Variants in GRXCR2 observed in about 807,000 individuals in gnomAD.
GRXCR2 encodes glutaredoxin domain-containing cysteine-rich protein 2.
In GRXCR2, 23 loss-of-function variants were observed where a neutral mutation model predicts 24.8. The ratio of observed to expected loss-of-function variants is 0.93; its 90% CI spans 0.67 to 1.32. The LOEUF is 1.32. Ranked by LOEUF, GRXCR2 falls within the 40% of genes most tolerant of loss-of-function variation. The pLI is 0.00. For synonymous variants in GRXCR2, 130 were observed against 116.1 expected (o/e 1.12, Z -0.77); for missense variants, 315 against 303.4 (o/e 1.04, Z -0.28).
chr5:145,915,591 C>G (rs574758731), intron 2 of GRXCR2, among the ~76,000 whole-genome samples: 1 of 152,084 alleles, frequency 6.6e-6, no homozygotes, highest in African/African-American at 2.4e-5. Flanking sequence ...TCGAGACCAG[C>G]CTGGCCAATA....
At chr5:145,906,703 G>A (rs1257137242) in intron 2 of GRXCR2, among the ~76,000 whole-genome samples, 2 of 152,162 alleles carry the variant, frequency 1.3e-5, no homozygotes, top group Non-Finnish European at 2.9e-5. Flanking sequence ...TAATAAATAT[G>A]TTTCAGTGTC....
intron 2 of GRXCR2, among the ~76,000 whole-genome samples, chr5:145,892,527 G>T (rs952455790): frequency 1.3e-5 from 2 of 152,138 alleles, no homozygotes; most frequent in Admixed American, 6.6e-5. Context: ...GGAAGAAAGG[G>T]TATCAGTGAT....
At chr5:145,916,131 T>A (rs373445481) in intron 2 of GRXCR2, among the ~76,000 whole-genome samples, 153 of 151,984 alleles carry the variant, frequency 1.0e-3, no homozygotes, top group African/African-American at 3.3e-3. Context: ...GGGGCGCTGC[T>A]CAGAGCCCCT....
intron 2 of GRXCR2, among the ~76,000 whole-genome samples, chr5:145,895,663 T>C (rs1756938630): frequency 6.6e-6 from 1 of 152,216 alleles, no homozygotes; most frequent in Non-Finnish European, 1.5e-5. Context: ...CATTCCCTGC[T>C]CATGGGTAGG....
At chr5:145,908,625 T>C (rs937691402) in intron 2 of GRXCR2, among the ~76,000 whole-genome samples, 1 of 152,180 alleles carries the variant, frequency 6.6e-6, no homozygotes, top group African/African-American at 2.4e-5. Context: ...ATTCAGTGTG[T>C]ATTTCTGAGG....
chr5:145,888,746 T>G (rs771663733), intron 2 of GRXCR2, among the ~76,000 whole-genome samples: 1 of 152,236 alleles, frequency 6.6e-6, no homozygotes, highest in Non-Finnish European at 1.5e-5. Flanking sequence ...TATATACATA[T>G]GTATGCAAGA....
intron 2 of GRXCR2, among the ~76,000 whole-genome samples, chr5:145,906,657 G>A (rs1757092773): frequency 6.6e-6 from 1 of 152,136 alleles, no homozygotes; most frequent in Admixed American, 6.6e-5. Flanking sequence ...ATAGAGTTGG[G>A]CACTGTGTTA....
At chr5:145,868,324 T>A (rs1297738154) in intron 1 of GRXCR2, among the ~76,000 whole-genome samples, 1 of 152,202 alleles carries the variant, frequency 6.6e-6, no homozygotes, top group Non-Finnish European at 1.5e-5. Flanking sequence ...ACGCTAAAGT[T>A]AAGCAGTCTT....
intron 2 of GRXCR2, among the ~76,000 whole-genome samples, chr5:145,897,032 G>A (rs1756960361): frequency 6.7e-6 from 1 of 149,416 alleles, no homozygotes; most frequent in Non-Finnish European, 1.5e-5. Context: ...ACTATCGCAA[G>A]GACAAAAAAC....
At chr5:145,913,886 G>A (rs1757198506) in intron 2 of GRXCR2, among the ~76,000 whole-genome samples, 1 of 152,182 alleles carries the variant, frequency 6.6e-6, no homozygotes, top group African/African-American at 2.4e-5. Context: ...AATTACAACT[G>A]CTTAATCAGC....
intron 1 of GRXCR2, 25 bp downstream of exon 1, chr5:145,872,608 C>T (rs1756549779): frequency 2.0e-5 from 31 of 1,549,406 alleles, no homozygotes; most frequent in Non-Finnish European, 2.7e-5. Context: ...ACCCTTAAAG[C>T]CTATATGCCA....
At chr5:145,870,632 C>A (rs1275846768) in intron 1 of GRXCR2, among the ~76,000 whole-genome samples, 1 of 152,116 alleles carries the variant, frequency 6.6e-6, no homozygotes, top group African/African-American at 2.4e-5. Context: ...CCAATATTTA[C>A]TAGGAAGTGT....
At chr5:145,917,866 G>A (rs1030158150) in intron 2 of GRXCR2, among the ~76,000 whole-genome samples, 1 of 152,132 alleles carries the variant, frequency 6.6e-6, no homozygotes, top group Non-Finnish European at 1.5e-5. Context: ...TGCAACCTCC[G>A]CCTCCTGGGT....
chr5:145,874,177 G>A (rs890645268), upstream of GRXCR2, among the ~76,000 whole-genome samples: 8 of 151,598 alleles, frequency 5.3e-5, no homozygotes, highest in African/African-American at 9.7e-5. Flanking sequence ...ACAGCCATTC[G>A]CTTGGATTCT....
At chr5:145,884,503 G>A (rs1160106504) in intron 2 of GRXCR2, among the ~76,000 whole-genome samples, 1 of 152,026 alleles carries the variant, frequency 6.6e-6, no homozygotes, top group African/African-American at 2.4e-5. Flanking sequence ...TCCTTTTGTA[G>A]GACATACATG....
intron 2 of GRXCR2, among the ~76,000 whole-genome samples, chr5:145,912,723 G>C (rs1757183275): frequency 6.6e-6 from 1 of 152,046 alleles, no homozygotes. Context: ...ATGAGGCGGA[G>C]TCCTGTGGAA....
At chr5:145,876,670 A>G (rs191626248), upstream of GRXCR2, among the ~76,000 whole-genome samples, 85 of 152,226 alleles carry the variant, frequency 5.6e-4, no homozygotes, top group Non-Finnish European at 9.1e-4. Flanking sequence ...TCCAAGTAAC[A>G]TTTCTTCAAC....
At chr5:145,914,571 G>A (rs1396987232) in intron 2 of GRXCR2, among the ~76,000 whole-genome samples, 1 of 149,542 alleles carries the variant, frequency 6.7e-6, no homozygotes, top group Non-Finnish European at 1.5e-5. Context: ...AGCTACTCAG[G>A]AGGCAGAGAC....
At chr5:145,885,853 A>T (rs1187398155) in intron 2 of GRXCR2, among the ~76,000 whole-genome samples, 2 of 152,140 alleles carry the variant, frequency 1.3e-5, no homozygotes, top group Non-Finnish European at 2.9e-5. Flanking sequence ...ACCCCTTCAT[A>T]ATGAAAAACA....
Sources: gnomAD v4.1 joint callset for allele counts (sites outside exome capture counted in the v4.1 genomes callset) on GRCh38, gnomAD v4.1.1 for gene constraint, MANE v1.5 for transcripts, NCBI Gene and HGNC (gene_info 2026-07-23, HGNC 2026-07-21) for gene names.